The following CORO7 variants were observed in gnomAD, a reference collection of about 807,000 sequenced individuals.
CORO7 encodes coronin 7.
In CORO7, 107 loss-of-function variants were observed where a neutral mutation model predicts 126.6. The ratio of observed to expected loss-of-function variants is 0.85; its 90% confidence interval spans 0.72 to 0.99. CORO7 has a LOEUF of 0.99. Ranked by LOEUF, CORO7 falls within the 50% of genes least tolerant of loss-of-function variation. The pLI, the probability that CORO7 is intolerant of heterozygous loss-of-function variation, is 0.00. For synonymous variants in CORO7, 603 were observed against 536.8 expected (o/e 1.12, Z -1.70); for missense variants, 1,314 against 1,255.8 (o/e 1.05, Z -0.70).
intron 9 of CORO7, among the ~76,000 whole-genome samples, chr16:4,374,760 G>T (rs1397051050): frequency 1.3e-5 from 2 of 152,044 alleles, no homozygotes; most frequent in African/African-American, 4.8e-5. Context: ...GGGTGATTGT[G>T]GGGGGTTCGG....
At chr16:4,410,739 G>A (rs1231824056) in intron 3 of CORO7, among the ~76,000 whole-genome samples, 1 of 152,180 alleles carries the variant, frequency 6.6e-6, no homozygotes, top group Non-Finnish European at 1.5e-5. Context: ...GCCAGTAAAC[G>A]TCTCCTGCGA....
intron 5 of CORO7, among the ~76,000 whole-genome samples, chr16:4,406,739 A>G (rs897280035): frequency 6.7e-6 from 1 of 150,168 alleles, no homozygotes; most frequent in Non-Finnish European, 1.5e-5. Context: ...TCCTGGGTTC[A>G]GGCAATTCTC....
intron 9 of CORO7, among the ~76,000 whole-genome samples, chr16:4,369,402 C>G (rs2054448514): frequency 6.6e-6 from 1 of 152,220 alleles, no homozygotes. Context: ...AGAGGTATTG[C>G]CGGCACCTCT....
intron 9 of CORO7, among the ~76,000 whole-genome samples, chr16:4,365,889 A>C (rs1363192904): frequency 6.6e-6 from 1 of 152,076 alleles, no homozygotes; most frequent in African/African-American, 2.4e-5. Context: ...GACAGCCTAG[A>C]CATCAGGCCA....
At chr16:4,398,613 C>T (rs1049781214) in intron 6 of CORO7, among the ~76,000 whole-genome samples, 10 of 150,786 alleles carry the variant, frequency 6.6e-5, no homozygotes, top group Middle Eastern at 3.5e-3. Context: ...TTGCAGTGAA[C>T]CGAGATCATG....
At chr16:4,381,795 G>A in intron 9 of CORO7, 1 of 1,600,480 alleles carries the variant, frequency 6.2e-7, no homozygotes. Flanking sequence ...TGTGCCCCCT[G>A]AGCTGGTTTG....
intron 6 of CORO7, among the ~76,000 whole-genome samples, chr16:4,398,140 G>C (rs2055668220): frequency 6.6e-6 from 1 of 151,434 alleles, no homozygotes; most frequent in African/African-American, 2.4e-5. Context: ...GGCTGGTTTT[G>C]AACTCCTGGC....
rs770014530 is a variant in CORO7 at position 4,362,383 on chromosome 16, G to A, written c.1403-223C>T. On this transcript the variant is annotated intron_variant, in intron 15 of 27. Transcript: ENST00000251166. This position sits in a 1 kb window ranked among gnomAD's most constrained non-coding sequence, Gnocchi z 5.3. ...CTCGGGGAATCTTGGTGGAGCCCAG[G>A]GCTTTGGCTGCTCAGAAGCTGGTGG... 1.8e-4 allele frequency among the ~76,000 whole-genome samples: 28 copies of A among 152,130 alleles called. No homozygotes were observed. Among genetic ancestry groups the A allele is most frequent in the Non-Finnish European group, 3.2e-4 (22 of 68,016 alleles).
chr16:4,363,616 G>A (rs2054255162), intron 14 of CORO7, among the ~76,000 whole-genome samples: 1 of 152,206 alleles, frequency 6.6e-6, no homozygotes, highest in African/African-American at 2.4e-5. Context: ...GGAGGCTCAG[G>A]CAGGAGAATT....
intron 7 of CORO7, among the ~76,000 whole-genome samples, chr16:4,394,448 C>CAAAA (rs569253246): frequency 1.6e-5 from 1 of 61,700 alleles, no homozygotes; most frequent in African/African-American, 5.4e-5. Context: ...GACTCCGTCT[C>CAAAA]AAAAAAAAAA....
chr16:4,402,389 C>A (rs1205235313), intron 6 of CORO7, among the ~76,000 whole-genome samples: 1 of 151,894 alleles, frequency 6.6e-6, no homozygotes. Context: ...GGACCACAGG[C>A]GCGTGCCACC....
At position 4,364,424 on chromosome 16, in the gene CORO7, G is replaced by A. The variant is rs2054281670; in HGVS notation, c.1138-11C>T. 6.7e-7 allele frequency: 1 copy of A among 1,495,852 alleles called. No homozygotes were observed. The highest frequency in any genetic ancestry group is 2.3e-5 in the East Asian group (1 of 42,928). The allele number at this position is 1,495,852 out of a possible 1,614,324, so 92.7% of individuals were successfully genotyped here. On this transcript the variant is annotated splice_polypyrimidine_tract_variant and intron_variant, in intron 13 of 27. Transcript: ENST00000251166. ...GCTGACCTTCTGCACCTGCATGGAGGCCGGCAGTGGGGAGATGGGGGCATG... is the reference window on the plus strand; with the variant it reads ...GCTGACCTTCTGCACCTGCATGGAGACCGGCAGTGGGGAGATGGGGGCATG...
intron 9 of CORO7, chr16:4,381,100 C>T (rs1300979908): frequency 1.2e-6 from 2 of 1,607,776 alleles, no homozygotes; most frequent in African/African-American, 2.7e-5. Flanking sequence ...CTTTGCCGGC[C>T]TGCCGGGCCT....
chr16:4,385,333 G>C (rs779648098), intron 9 of CORO7, among the ~76,000 whole-genome samples: 1 of 152,046 alleles, frequency 6.6e-6, no homozygotes, highest in Non-Finnish European at 1.5e-5. Context: ...CCCCAGCCAC[G>C]GGTGGGGCTG....
chr16:4,412,501 A>C lies in CORO7; in HGVS notation c.158-71T>G, dbSNP rs2056248975. On this transcript the variant is annotated intron_variant, in intron 2 of 27. Coordinates refer to ENST00000251166, the MANE Select transcript of CORO7 (RefSeq NM_024535.5). ...ACCCACCTCCTTGCCCAGGGATCCCAGAGATGAAATCCAGCAGCTCAGCCT... is the reference window on the plus strand; with the variant it reads ...ACCCACCTCCTTGCCCAGGGATCCCCGAGATGAAATCCAGCAGCTCAGCCT... 43 of 1,551,368 alleles carry C rather than the reference A, an allele frequency of 2.8e-5. No individual in the cohort carries two copies. In the South Asian group the frequency reaches 4.4e-4, roughly 16 times the overall value.
chr16:4,381,448 A>G lies in CORO7; in HGVS notation c.785+6538T>C, dbSNP rs760693656. 8.2e-6 allele frequency: 13 copies of G among 1,580,568 alleles called. No individual in the cohort carries two copies. The Middle Eastern group carries it at 6.6e-4, about 81-fold the overall frequency. ...GGCCCTGGAGCCCGGCATCCTGGACACTGCCAACGTGGAGGCGCTGCGGCT... is the reference window on the plus strand; with the variant it reads ...GGCCCTGGAGCCCGGCATCCTGGACGCTGCCAACGTGGAGGCGCTGCGGCT... On this transcript the variant is annotated intron_variant, in intron 9 of 27. Transcript: ENST00000251166.
chr16:4,390,310 C>A (rs1314571177), intron 7 of CORO7, among the ~76,000 whole-genome samples: 4 of 151,554 alleles, frequency 2.6e-5, no homozygotes, highest in South Asian at 2.1e-4. Context: ...TTTTTTTAAC[C>A]TTTCCTATGG....
chr16:4,412,822 G>T, intron 2 of CORO7: 1 of 271,916 alleles, frequency 3.7e-6, no homozygotes. Flanking sequence ...GTACATGTGA[G>T]CCTTTGGGCA....
chr16:4,388,716 TCTG>T, intron 7 of CORO7, 85 bp from the exon 8 acceptor site: 2 of 1,412,300 alleles, frequency 1.4e-6, no homozygotes, highest in Non-Finnish European at 9.7e-7. Context: ...CTGGGGAACT[TCTG>T]CTGCCCACCT....
Sources: allele counts gnomAD v4.1 joint callset (sites outside exome capture counted in the v4.1 genomes callset), GRCh38; gene constraint gnomAD v4.1.1; non-coding constraint Gnocchi (gnomAD v3.1); transcripts MANE v1.5; gene names NCBI Gene and HGNC (gene_info 2026-07-23, HGNC 2026-07-21).